ZNF536: variants seen among roughly 807,000 people sequenced by gnomAD.
ZNF536 encodes the protein zinc finger protein 536.
In ZNF536, 13 loss-of-function variants were observed where a neutral mutation model predicts 84.5. The observed-to-expected ratio is 0.15, with a 90% CI of 0.10 to 0.24. The LOEUF (loss-of-function observed/expected upper bound fraction) is 0.24, where lower values mean the gene tolerates loss of function less well. Among genes scored for constraint, ZNF536 ranks in the 10% least tolerant of loss-of-function variants. ZNF536 has a pLI of 1.00. For missense variants in ZNF536, 1,536 were observed against 1,747.5 expected, an observed-to-expected ratio of 0.88 and a Z score of 2.16; for synonymous variants, 811 against 742.5, an observed-to-expected ratio of 1.09 and a Z score of -1.50.
At chr19:30,243,965 A>G (rs1297103612) in intron 1 of ZNF536, among the ~76,000 whole-genome samples, 2 of 152,202 alleles carry the variant, frequency 1.3e-5, no homozygotes, top group South Asian at 2.1e-4. Context: ...ACAATCCTAT[A>G]TACTTTTTCC....
At position 30,522,252 on chromosome 19, in the gene ZNF536, G is replaced by GATATATATATATATATATACAC; in HGVS notation, c.2171-12586_2171-12585insTATATATATACACATATATATA. On this transcript the variant is annotated intron_variant, in intron 2 of 4. Transcript: ENST00000355537. ...TGCCTGTGCCTGATTGGCAGAGCTG[G>GATATATATATATATATATACAC]ATATATATACATATATATATACATA... Among the ~76,000 whole-genome samples, 11 of 44,406 alleles carry GATATATATATATATATATACAC rather than the reference G, an allele frequency of 2.5e-4. 1 individual carries two copies. The highest frequency in any genetic ancestry group is 1.3e-3 in the African/African-American group (10 of 7,442). 29.1% of individuals were successfully genotyped at this position (44,406 alleles called of 152,430 possible). A position where few individuals can be genotyped will look rare whatever the true frequency, so the allele number is the denominator to read the frequency against.
intron 1 of ZNF536, among the ~76,000 whole-genome samples, chr19:30,680,922 C>A (rs149129881): frequency 0.023 from 3,541 of 152,220 alleles, 125 homozygotes; most frequent in African/African-American, 0.081. Flanking sequence ...CTGTTGTTTC[C>A]TGACTTTTTA....
intron 3 of ZNF536, among the ~76,000 whole-genome samples, chr19:30,539,891 G>T (rs1797349715): frequency 2.0e-5 from 3 of 152,212 alleles, no homozygotes; most frequent in Admixed American, 2.0e-4. Flanking sequence ...TCGGGATGGG[G>T]TTGTTGTCTC....
At chr19:30,431,452 C>G (rs147815352) in intron 1 of ZNF536, among the ~76,000 whole-genome samples, 207 of 152,280 alleles carry the variant, frequency 1.4e-3, no homozygotes, top group African/African-American at 4.7e-3. Context: ...GCTTACTTAC[C>G]GGATGATGTG....
At chr19:30,523,251 T>C (rs1486681515) in intron 2 of ZNF536, among the ~76,000 whole-genome samples, 2 of 152,196 alleles carry the variant, frequency 1.3e-5, no homozygotes, top group African/African-American at 4.8e-5. Context: ...TCTTTACATA[T>C]GACGCGTTGC....
At chr19:30,596,537 A>T (rs1184913108) in intron 1 of ZNF536, among the ~76,000 whole-genome samples, 1 of 152,224 alleles carries the variant, frequency 6.6e-6, no homozygotes, top group Non-Finnish European at 1.5e-5. Context: ...TACCACTTTA[A>T]TCATCAATCC....
downstream of ZNF536, among the ~76,000 whole-genome samples, chr19:30,560,866 A>G (rs1447036619): frequency 2.0e-5 from 3 of 152,264 alleles, no homozygotes; most frequent in Non-Finnish European, 2.9e-5. Context: ...GCAGCAGTGC[A>G]TTGGCAATAT....
chr19:30,575,797 T>C (rs555886029), intron 1 of ZNF536, among the ~76,000 whole-genome samples: 1 of 152,294 alleles, frequency 6.6e-6, no homozygotes, highest in East Asian at 1.9e-4. Flanking sequence ...AGGAAGCCAG[T>C]GCGTTCCTCG....
intron 3 of ZNF536, among the ~76,000 whole-genome samples, chr19:30,543,881 C>T (rs1162134693): frequency 6.6e-6 from 1 of 152,062 alleles, no homozygotes; most frequent in Non-Finnish European, 1.5e-5. Context: ...TGCTGGGGCT[C>T]TAAGGAGGTT....
chr19:30,583,258 G>A (rs987078512), intron 1 of ZNF536, among the ~76,000 whole-genome samples: 16 of 152,210 alleles, frequency 1.1e-4, no homozygotes, highest in Non-Finnish European at 2.1e-4. Context: ...CAGGAGGACA[G>A]TCCCTGAGCA....
At chr19:30,370,384 AGGGTGTTTT>A (rs2048572259), upstream of ZNF536, among the ~76,000 whole-genome samples, 3 of 152,214 alleles carry the variant, frequency 2.0e-5, no homozygotes, top group Admixed American at 2.0e-4. Context: ...CTAAAACCCC[AGGGTGTTTT>A]TGTTCTTTGG....
At chr19:30,650,230 T>C (rs753027059) in intron 1 of ZNF536, among the ~76,000 whole-genome samples, 9 of 152,228 alleles carry the variant, frequency 5.9e-5, no homozygotes, top group Non-Finnish European at 1.3e-4. Flanking sequence ...AGGGATGATC[T>C]GCAAACAAGG....
At position 30,441,557 on chromosome 19, in the gene ZNF536, G is replaced by C. The variant is rs375947237; in HGVS notation, c.-2-2004G>C. On this transcript the variant is annotated intron_variant, in intron 1 of 4. Transcript: ENST00000355537. Reference sequence around the variant, plus strand: ...AGGGACTGGCACATGGAAGGATCTCGGTAAGTCTGTTGAATGAATGCAGCA... The same window carrying C: ...AGGGACTGGCACATGGAAGGATCTCCGTAAGTCTGTTGAATGAATGCAGCA... Among the ~76,000 whole-genome samples the C allele has an allele frequency of 2.6e-5, 4 of 152,188 alleles. No homozygotes were observed. In the East Asian group the frequency reaches 7.7e-4, roughly 29 times the overall value.
intron 2 of ZNF536, among the ~76,000 whole-genome samples, chr19:30,486,545 A>T: frequency 6.6e-6 from 1 of 152,216 alleles, no homozygotes; most frequent in Non-Finnish European, 1.5e-5. Context: ...TATTGTGAAT[A>T]GTGCTGCAGT....
Position 30,401,227 on chromosome 19 carries a change from A to G in ZNF536, c.-3+28671A>G, listed in dbSNP as rs146549923. Among the ~76,000 whole-genome samples the G allele has an allele frequency of 6.9e-3, 1,049 of 152,044 alleles. 14 individuals carry two copies. The highest frequency in any genetic ancestry group is 0.025 in the African/African-American group (1,020 of 41,456). On this transcript the variant is annotated intron_variant, in intron 1 of 4. Coordinates refer to ENST00000355537, the MANE Select transcript of ZNF536 (RefSeq NM_014717.3). Reference sequence around the variant, plus strand: ...GTTGTCCATTCTGTTCCATTGATCTATCTATTTTTTTTCTTTTACGAGATG... The same window carrying G: ...GTTGTCCATTCTGTTCCATTGATCTGTCTATTTTTTTTCTTTTACGAGATG...
At chr19:30,670,849 G>A (rs1238760621) in intron 1 of ZNF536, among the ~76,000 whole-genome samples, 1 of 152,154 alleles carries the variant, frequency 6.6e-6, no homozygotes, top group African/African-American at 2.4e-5. Flanking sequence ...CTGTAACAGC[G>A]AGAGCACAGA....
chr19:30,510,883 T>C (rs976252391), intron 2 of ZNF536, among the ~76,000 whole-genome samples: 1 of 152,208 alleles, frequency 6.6e-6, no homozygotes, highest in African/African-American at 2.4e-5. Flanking sequence ...ATCAGCATTG[T>C]AGCTTTGCAT....
intron 1 of ZNF536, among the ~76,000 whole-genome samples, chr19:30,612,926 C>T (rs1482932443): frequency 2.6e-5 from 4 of 152,240 alleles, no homozygotes. Flanking sequence ...TGTCATAGCT[C>T]CTTAGCCTCC....
chr19:30,657,213 G>A (rs1287885340), intron 1 of ZNF536, among the ~76,000 whole-genome samples: 1 of 152,186 alleles, frequency 6.6e-6, no homozygotes, highest in African/African-American at 2.4e-5. Context: ...GGAGAGCTCT[G>A]GAGAGGGTGC....
Sources: gnomAD v4.1 joint callset for allele counts (sites outside exome capture counted in the v4.1 genomes callset) on GRCh38, gnomAD v4.1.1 for gene constraint, MANE v1.5 for transcripts, NCBI Gene and HGNC (gene_info 2026-07-23, HGNC 2026-07-21) for gene names.